Variants in DENND1A observed in about 807,000 individuals in gnomAD.
DENND1A encodes DENN domain-containing protein 1A.
In DENND1A, 51 loss-of-function variants were observed where a neutral mutation model predicts 113.7. The observed-to-expected ratio is 0.45, with a 90% CI of 0.36 to 0.57. The LOEUF (loss-of-function observed/expected upper bound fraction) is 0.57, where lower values mean the gene tolerates loss of function less well. DENND1A is among the 20% of genes least tolerant of loss of function. The pLI, the probability that DENND1A is intolerant of heterozygous loss-of-function variation, is 0.00. For missense variants in DENND1A, 1,258 were observed against 1,395.9 expected, an observed-to-expected ratio of 0.90 and a Z score of 1.57; for synonymous variants, 565 against 570.8, an observed-to-expected ratio of 0.99 and a Z score of 0.14.
chr9:123,495,566 A>G (rs2051837870), intron 13 of DENND1A, among the ~76,000 whole-genome samples: 1 of 152,252 alleles, frequency 6.6e-6, no homozygotes, highest in Non-Finnish European at 1.5e-5. Context: ...CTGTGTGGTC[A>G]CAGCCCATGA....
At chr9:123,589,210 TG>T (rs1564775084) in intron 11 of DENND1A, among the ~76,000 whole-genome samples, 2 of 152,160 alleles carry the variant, frequency 1.3e-5, no homozygotes, top group Non-Finnish European at 2.9e-5. Context: ...AAGCCCCTTT[TG>T]TGGGATGTTA....
chr9:123,579,251 A>G (rs1459446865), intron 12 of DENND1A, among the ~76,000 whole-genome samples: 2 of 152,218 alleles, frequency 1.3e-5, no homozygotes, highest in Admixed American at 1.3e-4. Flanking sequence ...ATTAAGTCTT[A>G]GAGAGCTTAA....
chr9:123,457,329 A>C lies in DENND1A; in HGVS notation c.1186+19T>G. ...GATAGCAGCCTGCAGCCCCGGAAGG[A>C]AAATGAGTTGCTTCTCACCAGCGTA... is the stretch of plus-strand genomic sequence containing the variant. On this transcript the variant is annotated intron_variant, in intron 15 of 23. Transcript: ENST00000394215. 6.2e-7 allele frequency: 1 copy of C among 1,603,572 alleles called. No individual in the cohort carries two copies. The highest frequency in any genetic ancestry group is 8.5e-7 in the Non-Finnish European group (1 of 1,170,426).
chr9:123,520,223 G>A (rs1490539085), intron 13 of DENND1A, among the ~76,000 whole-genome samples: 1 of 150,988 alleles, frequency 6.6e-6, no homozygotes, highest in Non-Finnish European at 1.5e-5. Context: ...TTCAGAGGCT[G>A]AGGTGGGTGG....
chr9:123,552,018 C>CGAGAGAGAGAGAGAGA (rs10657747), intron 13 of DENND1A, among the ~76,000 whole-genome samples: 8 of 118,564 alleles, frequency 6.7e-5, no homozygotes, highest in African/African-American at 9.7e-5. Flanking sequence ...AGAGCGAGAG[C>CGAGAGAGAGAGAGAGA]GAGAGAGAGA....
chr9:123,604,867 G>A (rs888188589), intron 11 of DENND1A, among the ~76,000 whole-genome samples: 11 of 152,152 alleles, frequency 7.2e-5, no homozygotes, highest in Non-Finnish European at 1.5e-4. Flanking sequence ...CAATGGAAAC[G>A]GCTTGAAGGC....
At chr9:123,416,649 C>T (rs12347955) in intron 19 of DENND1A, among the ~76,000 whole-genome samples, 28,741 of 152,176 alleles carry the variant, frequency 0.19, 2,837 homozygotes, top group South Asian at 0.25. Flanking sequence ...ACAGTTCCTC[C>T]AGCACTTCCC....
chr9:123,853,633 C>T (rs1438164253), intron 2 of DENND1A, among the ~76,000 whole-genome samples: 14 of 152,162 alleles, frequency 9.2e-5, no homozygotes, highest in Admixed American at 9.2e-4. Flanking sequence ...CACTGTACTC[C>T]AGCCTGGGTG....
intron 13 of DENND1A, among the ~76,000 whole-genome samples, chr9:123,479,346 C>A (rs1163896139): frequency 6.6e-6 from 1 of 152,204 alleles, no homozygotes; most frequent in Non-Finnish European, 1.5e-5. Flanking sequence ...CTCCTGAACT[C>A]CATTATAGCC....
chr9:123,784,077 G>A (rs1053211758), intron 3 of DENND1A, among the ~76,000 whole-genome samples: 1 of 152,050 alleles, frequency 6.6e-6, no homozygotes, highest in East Asian at 1.9e-4. Flanking sequence ...AAGCCAGTTT[G>A]GACAAAAAAT....
intron 11 of DENND1A, among the ~76,000 whole-genome samples, chr9:123,596,585 C>T (rs1399368034): frequency 6.6e-6 from 1 of 152,192 alleles, no homozygotes; most frequent in Admixed American, 6.5e-5. Flanking sequence ...ACCCCAAAGC[C>T]TGGTGCCTTT....
intron 5 of DENND1A, chr9:123,751,831 G>A (rs886443093): frequency 2.6e-5 from 4 of 152,250 alleles, no homozygotes; most frequent in African/African-American, 9.7e-5. Flanking sequence ...GCAAGACTCA[G>A]TTTAACTGGA....
chr9:123,413,499 A>G, intron 19 of DENND1A: 1 of 985,352 alleles, frequency 1.0e-6, no homozygotes, highest in African/African-American at 1.7e-5. Flanking sequence ...AACCTGCCCC[A>G]CTACTCCTGG....
At position 123,457,419 on chromosome 9, in the gene DENND1A, A is replaced by C. The variant is rs779961742; in HGVS notation, c.1115T>G (p.Leu372Ter). The change falls in exon 15 of 24, where the codon TTA (leucine) becomes TGA (stop). Residue 372 changes from leucine to a stop codon, truncating the protein, a stop_gained. Coordinates refer to ENST00000394215, the MANE Select transcript of DENND1A (RefSeq NM_001352964.2). LOFTEE classifies it high-confidence loss of function. Reference sequence around the variant, plus strand: ...ACCTTCGCCGGAATTGAGAAGATCTAATCGACCATCAATAAACTATAGAAA... The same window carrying C: ...ACCTTCGCCGGAATTGAGAAGATCTCATCGACCATCAATAAACTATAGAAA... ...QLFKQFIDGRLDLLNSGEGFS... is the reference protein window; with the variant it reads ...QLFKQFIDGR 6.2e-7 allele frequency: 1 copy of C among 1,613,876 alleles called. No individual in the cohort carries two copies. Among genetic ancestry groups the C allele is most frequent in the South Asian group, 1.1e-5 (1 of 91,068 alleles).
chr9:123,898,409 A>G (rs1851102248), intron 1 of DENND1A, among the ~76,000 whole-genome samples: 1 of 152,170 alleles, frequency 6.6e-6, no homozygotes, highest in African/African-American at 2.4e-5. Flanking sequence ...AGCTTACTGC[A>G]GCCTCAACCT....
chr9:123,568,127 A>T (rs900080552), intron 12 of DENND1A, among the ~76,000 whole-genome samples: 1 of 152,204 alleles, frequency 6.6e-6, no homozygotes, highest in Non-Finnish European at 1.5e-5. Flanking sequence ...TAATAAATCA[A>T]TGTCTTGATT....
chr9:123,773,643 T>C (rs1012344277), intron 3 of DENND1A, among the ~76,000 whole-genome samples: 3 of 152,182 alleles, frequency 2.0e-5, no homozygotes, highest in African/African-American at 7.2e-5. Context: ...ACGACCAACA[T>C]TCCAGATGTC....
At chr9:123,710,671 AG>A (rs939698932) in intron 5 of DENND1A, among the ~76,000 whole-genome samples, 18 of 138,440 alleles carry the variant, frequency 1.3e-4, no homozygotes, top group African/African-American at 4.6e-4. Context: ...AAAATCTTGG[AG>A]GTTTTTTTTT....
At chr9:123,517,404 G>A (rs564563297) in intron 13 of DENND1A, among the ~76,000 whole-genome samples, 1 of 152,274 alleles carries the variant, frequency 6.6e-6, no homozygotes, top group Admixed American at 6.5e-5. Context: ...TGGATCACTT[G>A]AGGCCAGGAG....
Sources: gnomAD v4.1 joint callset for allele counts (sites outside exome capture counted in the v4.1 genomes callset) on GRCh38, gnomAD v4.1.1 for gene constraint, MANE v1.5 for transcripts, NCBI Gene and HGNC (gene_info 2026-07-23, HGNC 2026-07-21) for gene names.